Variants in KRT80 observed in about 807,000 individuals in gnomAD.
KRT80 encodes the protein keratin, type II cytoskeletal 80.
Under a neutral mutation model 51.5 loss-of-function variants are expected in KRT80, and 36 were observed. The observed-to-expected ratio is 0.70, with a 90% CI of 0.54 to 0.92. The LOEUF (loss-of-function observed/expected upper bound fraction) is 0.92. Among genes scored for constraint, KRT80 ranks in the 40% least tolerant of loss-of-function variants. KRT80 has a pLI of 0.00. For missense variants in KRT80, 566 were observed against 591.7 expected (o/e 0.96, Z 0.45); for synonymous variants, 235 against 248.3 (o/e 0.95, Z 0.50).
intron 2 of KRT80, among the ~76,000 whole-genome samples, chr12:52,182,485 G>C (rs1280730560): frequency 6.6e-6 from 1 of 152,182 alleles, no homozygotes; most frequent in Non-Finnish European, 1.5e-5. Context: ...GAGTTCCTGT[G>C]TGCCTCAGCC....
intron 2 of KRT80, among the ~76,000 whole-genome samples, chr12:52,181,264 T>G (rs1941316874): frequency 6.6e-6 from 1 of 152,086 alleles, no homozygotes; most frequent in South Asian, 2.1e-4. Flanking sequence ...GCCTCCCTGA[T>G]TGTGCAGCCC....
intron 2 of KRT80, 120 bp from the exon 3 acceptor site, chr12:52,181,083 A>T: frequency 1.6e-6 from 1 of 638,084 alleles, no homozygotes; most frequent in East Asian, 3.1e-5. Context: ...CCAATTAAAG[A>T]AAAGCAGCCC....
At chr12:52,185,336 A>G (rs770503719) in intron 2 of KRT80, 43 bp downstream of exon 2, 3 of 1,562,538 alleles carry the variant, frequency 1.9e-6, no homozygotes, top group South Asian at 1.2e-5. Context: ...GCTTGGTCCC[A>G]GCCCTCAGGC....
intron 1 of KRT80, among the ~76,000 whole-genome samples, chr12:52,190,692 G>T (rs1941466146): frequency 6.6e-6 from 1 of 152,208 alleles, no homozygotes; most frequent in Non-Finnish European, 1.5e-5. Flanking sequence ...AGATAAACCT[G>T]AAAAGCATCA....
At chr12:52,172,138 A>G (rs12824949) in intron 7 of KRT80, 60 bp downstream of exon 7, 319,877 of 1,566,344 alleles carry the variant, frequency 0.2, 34,006 homozygotes, top group Non-Finnish European at 0.22. Flanking sequence ...GACTTTGTGT[A>G]GGCCTGGGCC....
At chr12:52,178,069 A>G (rs974736165) in intron 4 of KRT80, among the ~76,000 whole-genome samples, 2 of 152,316 alleles carry the variant, frequency 1.3e-5, no homozygotes, top group Non-Finnish European at 2.9e-5. Flanking sequence ...TAGTTTTGGC[A>G]AAGAGTCAGC....
intron 2 of KRT80, among the ~76,000 whole-genome samples, chr12:52,183,803 G>A (rs1479826093): frequency 6.6e-6 from 1 of 152,208 alleles, no homozygotes; most frequent in Non-Finnish European, 1.5e-5. Context: ...TAGCATGCAA[G>A]GCTGTGTAAC....
At position 52,185,475 on chromosome 12, in the gene KRT80, C is replaced by T. The variant is rs140425330; in HGVS notation, c.413G>A (p.Arg138Gln). Residue 138 changes from arginine (R) to glutamine (Q), a missense_variant, in exon 2 of 9, where the codon CGG (arginine) becomes CAG (glutamine). Coordinates refer to ENST00000394815, the MANE Select transcript of KRT80 (RefSeq NM_182507.3). ...CACTTTGCGCAGTTCCTCCTGCAGC[C>T]GGCCCTGATATTCCTCATAGAGATG... ...LGHLYEEYQG[R>Q]LQEELRKVSQ... 3.5e-5 allele frequency: 57 copies of T among 1,613,902 alleles called. No individual in the cohort carries two copies. Among genetic ancestry groups the T allele is most frequent in the Admixed American group, 2.7e-4 (16 of 59,998 alleles).
At position 52,185,505 on chromosome 12, in the gene KRT80, A is replaced by G. The variant is rs1054095780; in HGVS notation, c.383T>C (p.Leu128Pro). ...CTGATATTCCTCATAGAGATGCCCG[A>G]GGTCGAAGATGGCTGAGTCCTGGCC... ...LQGQDSAIFDLGHLYEEYQGR... is the reference protein window; with the variant it reads ...LQGQDSAIFDPGHLYEEYQGR... Residue 128 changes from leucine to proline, a missense_variant, in exon 2 of 9, where the codon CTC (leucine) becomes CCC (proline). By Grantham distance (98) the Leu-to-Pro change is moderately conservative. Coordinates refer to ENST00000394815, the MANE Select transcript of KRT80 (RefSeq NM_182507.3). 7 of 1,613,720 alleles carry G rather than the reference A, an allele frequency of 4.3e-6. No homozygotes were observed. In the African/African-American group the frequency reaches 8.0e-5, roughly 18 times the overall value.
At chr12:52,171,808 T>C in intron 7 of KRT80, 95 bp from the exon 8 acceptor site, 2 of 842,026 alleles carry the variant, frequency 2.4e-6, no homozygotes, top group Admixed American at 4.5e-5. Flanking sequence ...AAGTGGAGGG[T>C]AGTTCTTGGT....
At chr12:52,185,630 G>C (rs773653706) in intron 1 of KRT80, 43 bp from the exon 2 acceptor site, 1 of 1,585,882 alleles carries the variant, frequency 6.3e-7, no homozygotes, top group South Asian at 1.1e-5. Flanking sequence ...GTGTGGACCA[G>C]TCGGGGGCTG....
chr12:52,191,485 C>A lies in KRT80; in HGVS notation c.300+118G>T, dbSNP rs1262400403. 4 of 1,010,540 alleles carry A rather than the reference C, an allele frequency of 4.0e-6. No homozygotes were observed. The African/African-American group carries it at 6.5e-5, about 16-fold the overall frequency. 62.6% of individuals were successfully genotyped at this position (1,010,540 alleles called of 1,614,324 possible). On this transcript the variant is annotated intron_variant, in intron 1 of 8. Coordinates refer to ENST00000394815, the MANE Select transcript of KRT80 (RefSeq NM_182507.3). ...GCCTGTCGGGTTAGCAGTGCCATCT[C>A]CCCATTGGCTGGGTGCAGGGGTGGG...
intron 4 of KRT80, among the ~76,000 whole-genome samples, 191 bp from the exon 5 acceptor site, chr12:52,173,955 C>G (rs1389301819): frequency 1.3e-5 from 2 of 152,246 alleles, no homozygotes; most frequent in African/African-American, 4.8e-5. Flanking sequence ...GAAGGCAGCT[C>G]ACTGCCCACT....
chr12:52,171,784 C>A, intron 7 of KRT80, 71 bp from the exon 8 acceptor site: 1 of 1,073,152 alleles, frequency 9.3e-7, no homozygotes, highest in Non-Finnish European at 1.4e-6. Context: ...GCTTAAACTC[C>A]CCTGGGGGCT....
At chr12:52,182,154 G>A (rs1218758523) in intron 2 of KRT80, among the ~76,000 whole-genome samples, 1 of 152,182 alleles carries the variant, frequency 6.6e-6, no homozygotes, top group Non-Finnish European at 1.5e-5. Flanking sequence ...AGTCTGTTAG[G>A]GGCTTTGATG....
intron 6 of KRT80, 94 bp from the exon 7 acceptor site, chr12:52,172,512 G>T: frequency 8.7e-7 from 1 of 1,143,176 alleles, no homozygotes; most frequent in Non-Finnish European, 1.2e-6. Flanking sequence ...GTGGGGGTAG[G>T]TGTGGGGAGG....
In KRT80 at chr12:52,172,369, A is replaced by C; in HGVS notation, c.1007T>G (p.Leu336Arg). The C allele has an allele frequency of 6.2e-7, 1 of 1,614,196 alleles. No homozygotes were observed. Among genetic ancestry groups the C allele is most frequent in the East Asian group, 2.2e-5 (1 of 44,882 alleles). Residue 336 changes from leucine (L) to arginine (R), a missense_variant, in exon 7 of 9, where the codon CTG becomes CGG. Transcript: ENST00000394815. ...CTTGGTCTTGGCATCCTGGAAGGCC[A>C]GCTCACCCTGCTCCTCAGCTGTCTT... The part of the protein sequence containing the change: ...NIKTAEEQGE[L>R]AFQDAKTKLA...
intron 7 of KRT80, among the ~76,000 whole-genome samples, chr12:52,171,997 T>C (rs183073027): frequency 1.3e-5 from 2 of 152,314 alleles, no homozygotes; most frequent in Non-Finnish European, 2.9e-5. Flanking sequence ...ACCATGTTTA[T>C]GATCAGCCCA....
intron 2 of KRT80, among the ~76,000 whole-genome samples, chr12:52,183,348 A>C (rs1941353196): frequency 6.6e-6 from 1 of 151,308 alleles, no homozygotes. Context: ...CACCATCCCC[A>C]CCCCCGCAAC....
Sources: gnomAD v4.1 joint callset for allele counts (sites outside exome capture counted in the v4.1 genomes callset) on GRCh38, gnomAD v4.1.1 for gene constraint, MANE v1.5 for transcripts, NCBI Gene and HGNC (gene_info 2026-07-23, HGNC 2026-07-21) for gene names.